The following LINGO2 variants were observed in gnomAD, a reference collection of about 807,000 sequenced individuals.
LINGO2 encodes the protein leucine-rich repeat and immunoglobulin-like domain-containing nogo receptor-interacting protein 2.
Under a neutral mutation model 30.6 loss-of-function variants are expected in LINGO2, and 14 were observed. That is an observed-to-expected ratio of 0.46 (90% confidence interval 0.30 to 0.72). The LOEUF (loss-of-function observed/expected upper bound fraction) is 0.72. Ranked by LOEUF, LINGO2 falls within the 30% of genes least tolerant of loss-of-function variation. The probability of loss-of-function intolerance (pLI) is 0.07; values close to 1 mark genes in which losing one functional copy is unlikely to be tolerated. For synonymous variants in LINGO2, 317 were observed against 288.5 expected (o/e 1.10, Z -1.00); for missense variants, 729 against 751.7 (o/e 0.97, Z 0.35).
the LINGO2 span, among the ~76,000 whole-genome samples, chr9:28,750,092 C>T: frequency 4.6e-5 from 7 of 152,084 alleles, no homozygotes; most frequent in African/African-American, 1.7e-4. Flanking sequence ...TCTCTTTTTA[C>T]TCACAGACAA....
chr9:28,800,809 T>A, the LINGO2 span, among the ~76,000 whole-genome samples: 6 of 152,100 alleles, frequency 3.9e-5, no homozygotes, highest in African/African-American at 1.4e-4. Context: ...CACTGGCTCA[T>A]CTTTTCTAAA....
intron 4 of LINGO2, among the ~76,000 whole-genome samples, chr9:28,213,893 T>A (rs892809302): frequency 6.1e-4 from 93 of 151,680 alleles, no homozygotes; most frequent in African/African-American, 2.1e-3. Flanking sequence ...TATTTGCAAT[T>A]AAAGTACGCA....
the LINGO2 span, among the ~76,000 whole-genome samples, chr9:28,785,516 T>C: frequency 2.0e-5 from 3 of 152,316 alleles, no homozygotes; most frequent in East Asian, 5.8e-4. Flanking sequence ...CTCCTCTCAC[T>C]AGACTGTAAG....
chr9:28,368,004 C>T (rs1244836984), intron 3 of LINGO2, among the ~76,000 whole-genome samples: 2 of 151,936 alleles, frequency 1.3e-5, no homozygotes, highest in African/African-American at 4.8e-5. Flanking sequence ...AGAGCTTTTA[C>T]TTTTTTTCTT....
At chr9:28,777,911 G>T in the LINGO2 span, among the ~76,000 whole-genome samples, 10 of 151,966 alleles carry the variant, frequency 6.6e-5, no homozygotes, top group South Asian at 4.2e-4. Context: ...CTCTTTTTCT[G>T]ACAGCACATC....
rs143021125 is a variant in LINGO2 at position 28,105,744 on chromosome 9, C to T, written c.-86-93339G>A. On this transcript the variant is annotated intron_variant, in intron 4 of 5. Transcript: ENST00000379992. ...ACTCTCTCTCTCTCTCTCTCTTTCTCTCCCCACACACATGCACTGAAGAAA... is the reference window on the plus strand; with the variant it reads ...ACTCTCTCTCTCTCTCTCTCTTTCTTTCCCCACACACATGCACTGAAGAAA... 3.0e-3 allele frequency among the ~76,000 whole-genome samples: 451 copies of T among 152,208 alleles called. 1 individual carries two copies. Among genetic ancestry groups the T allele is most frequent in the Non-Finnish European group, 4.3e-3 (291 of 68,002 alleles).
chr9:28,952,010 G>A, the LINGO2 span, among the ~76,000 whole-genome samples: 1 of 152,030 alleles, frequency 6.6e-6, no homozygotes, highest in Non-Finnish European at 1.5e-5. Context: ...TCTCACACTA[G>A]TCAGAATGGC....
At chr9:28,359,784 C>A (rs16912725) in intron 3 of LINGO2, among the ~76,000 whole-genome samples, 2,268 of 152,272 alleles carry the variant, frequency 0.015, 51 homozygotes, top group African/African-American at 0.052. Flanking sequence ...TAATGCGTAA[C>A]ACTTTTGTTT....
intron 1 of LINGO2, among the ~76,000 whole-genome samples, chr9:28,574,800 T>C (rs1449867531): frequency 6.6e-6 from 1 of 152,186 alleles, no homozygotes; most frequent in Non-Finnish European, 1.5e-5. Flanking sequence ...GCTTCATCTC[T>C]AGTTGAGGGA....
chr9:28,237,454 A>G (rs1821614721), intron 4 of LINGO2, among the ~76,000 whole-genome samples: 1 of 152,174 alleles, frequency 6.6e-6, no homozygotes, highest in African/African-American at 2.4e-5. Context: ...CTGTCACTCA[A>G]TAATAACATC....
At chr9:28,315,405 G>A (rs1003883981) in intron 3 of LINGO2, among the ~76,000 whole-genome samples, 63 of 141,478 alleles carry the variant, frequency 4.5e-4, no homozygotes, top group Non-Finnish European at 7.2e-4. Context: ...CCGTCTCGGG[G>A]AAAAAAAAAA....
chr9:29,176,670 T>C, the LINGO2 span, among the ~76,000 whole-genome samples: 1,472 of 152,294 alleles, frequency 9.7e-3, 31 homozygotes, highest in African/African-American at 0.033. Flanking sequence ...AGTAAAAATA[T>C]AATAATTTGT....
At chr9:28,084,420 A>G (rs1202204870) in intron 4 of LINGO2, among the ~76,000 whole-genome samples, 1 of 152,156 alleles carries the variant, frequency 6.6e-6, no homozygotes, top group African/African-American at 2.4e-5. Context: ...TCCATTCCAA[A>G]GAAATACCTA....
chr9:27,980,581 G>A (rs1002782369), intron 5 of LINGO2, among the ~76,000 whole-genome samples: 7 of 151,978 alleles, frequency 4.6e-5, no homozygotes, highest in Admixed American at 1.3e-4. Context: ...TTATTAAGCA[G>A]ATGTTTGCCC....
chr9:29,143,690 T>C, the LINGO2 span, among the ~76,000 whole-genome samples: 1 of 152,174 alleles, frequency 6.6e-6, no homozygotes, highest in Non-Finnish European at 1.5e-5. Flanking sequence ...GATGGATAGA[T>C]TGCAAAAACT....
At chr9:28,852,073 C>G in the LINGO2 span, among the ~76,000 whole-genome samples, 1 of 151,948 alleles carries the variant, frequency 6.6e-6, no homozygotes, top group African/African-American at 2.4e-5. Flanking sequence ...ATAAAAGTAC[C>G]TGTACAACAT....
the LINGO2 span, among the ~76,000 whole-genome samples, chr9:29,117,551 A>G: frequency 6.6e-6 from 1 of 152,152 alleles, no homozygotes; most frequent in Admixed American, 6.5e-5. Flanking sequence ...GGACTTTAAT[A>G]CACCAGAATC....
At chr9:28,476,195 AT>A (rs1240698692) in intron 1 of LINGO2, among the ~76,000 whole-genome samples, 170 bp from the exon 4 acceptor site, 1 of 152,240 alleles carries the variant, frequency 6.6e-6, no homozygotes, top group Non-Finnish European at 1.5e-5. Context: ...GTGGTTTTCC[AT>A]TTTGAAGTTA....
chr9:29,154,029 C>G, the LINGO2 span, among the ~76,000 whole-genome samples: 5 of 152,182 alleles, frequency 3.3e-5, no homozygotes, highest in Non-Finnish European at 7.3e-5. Context: ...CCATGACAAA[C>G]AAGAGTCACT....
Sources: allele counts gnomAD v4.1 joint callset (sites outside exome capture counted in the v4.1 genomes callset), GRCh38; gene constraint gnomAD v4.1.1; transcripts MANE v1.5; gene names NCBI Gene and HGNC (gene_info 2026-07-23, HGNC 2026-07-21).